Variants in BACE1 observed in about 807,000 individuals in gnomAD.
BACE1 encodes the protein APP beta-secretase.
A neutral mutation model predicts 54.0 loss-of-function variants in BACE1; 21 were observed. That is an observed-to-expected ratio of 0.39 (90% CI 0.28 to 0.56). BACE1 has a LOEUF of 0.56. Ranked by LOEUF, BACE1 falls within the 20% of genes least tolerant of loss-of-function variation. The pLI is 0.63. For missense variants in BACE1, 511 were observed against 661.2 expected (o/e 0.77, Z 2.49); for synonymous variants, 232 against 260.9 (o/e 0.89, Z 1.07).
At position 117,315,699 on chromosome 11, in the gene BACE1, C is replaced by A. The variant is rs1001067796; in HGVS notation, c.97G>T (p.Gly33Cys). Residue 33 changes from glycine to cysteine, a missense_variant, in exon 1 of 9, where the codon GGC becomes TGC. Gly to Cys is a radical substitution (Grantham distance 159). Coordinates refer to ENST00000313005, the MANE Select transcript of BACE1 (RefSeq NM_012104.6). This position sits in a 1 kb window ranked among gnomAD's most constrained non-coding sequence, Gnocchi z 5.5. ...QHGIRLPLRSGLGGAPLGLRL... is the reference protein window; with the variant it reads ...QHGIRLPLRSCLGGAPLGLRL... ...AGCCCCAGGGGGGCGCCCCCCAGGC[C>A]GCTGCGCAGGGGCAGCCGGATGCCG... 4 of 1,509,178 alleles carry A rather than the reference C, an allele frequency of 2.7e-6. No individual in the cohort carries two copies. The highest frequency in any genetic ancestry group is 2.9e-5 in the African/African-American group (2 of 68,692). The allele number at this position is 1,509,178 out of a possible 1,614,324, so 93.5% of individuals were successfully genotyped here. A position where few individuals can be genotyped will look rare whatever the true frequency, so the allele number is the denominator to read the frequency against.
At chr11:117,298,161 G>T (rs1015000615) in intron 1 of BACE1, among the ~76,000 whole-genome samples, 1 of 152,086 alleles carries the variant, frequency 6.6e-6, no homozygotes, top group African/African-American at 2.4e-5. Flanking sequence ...GATTAGCCGG[G>T]TGTGGTGACG....
At chr11:117,314,366 C>T (rs1305193353) in intron 1 of BACE1, among the ~76,000 whole-genome samples, 1 of 152,132 alleles carries the variant, frequency 6.6e-6, no homozygotes, top group Non-Finnish European at 1.5e-5. Context: ...GGAGCACGCA[C>T]CTAGGAAGGC....
At chr11:117,304,814 C>A (rs550264968) in intron 1 of BACE1, among the ~76,000 whole-genome samples, 1 of 152,166 alleles carries the variant, frequency 6.6e-6, no homozygotes. Flanking sequence ...AGACTATGAG[C>A]TCCACCAAGG....
chr11:117,294,184 C>T, intron 3 of BACE1, 176 bp from the exon 4 acceptor site: 5 of 591,756 alleles, frequency 8.4e-6, no homozygotes, highest in Non-Finnish European at 1.4e-5. Flanking sequence ...GCAATGCAAA[C>T]AGGACAGTAT....
chr11:117,300,215 C>A (rs1223779214), intron 1 of BACE1, among the ~76,000 whole-genome samples: 2 of 152,166 alleles, frequency 1.3e-5, no homozygotes, highest in Admixed American at 1.3e-4. Context: ...CTCTCACCCA[C>A]CCCAATACTA....
At chr11:117,297,183 C>T in intron 1 of BACE1, 1 of 503,874 alleles carries the variant, frequency 2.0e-6, no homozygotes, top group Non-Finnish European at 3.5e-6. Flanking sequence ...TTCCCCTGTG[C>T]CCTCTGCAGG....
Position 117,289,812 on chromosome 11 carries a change from G to C in BACE1, c.1265-5C>G. 1 of 1,611,616 alleles carries C rather than the reference G, an allele frequency of 6.2e-7. No homozygotes were observed. Among genetic ancestry groups the C allele is most frequent in the Non-Finnish European group, 8.5e-7 (1 of 1,177,792 alleles). ...CCGTCCTGAACTCATCGTGCACTGG[G>C]GAGAGGGCAAATGTGAATGGACAGC... On this transcript the variant is annotated splice_region_variant and splice_polypyrimidine_tract_variant and intron_variant, in intron 8 of 8. Transcript: ENST00000313005.
Position 117,310,938 on chromosome 11 carries a change from C to G in BACE1, c.261+4597G>C, listed in dbSNP as rs191710767. Among the ~76,000 whole-genome samples, 683 of 151,936 alleles carry G rather than the reference C, an allele frequency of 4.5e-3. 2 individuals carry two copies. The highest frequency in any genetic ancestry group is 0.016 in the African/African-American group (653 of 41,302). ...CTGGCCAGTGGTTTAACCTTTCAAC[C>G]CCATTTCTTCTGCTAGACACTGTGA... On this transcript the variant is annotated intron_variant, in intron 1 of 8. Coordinates refer to ENST00000313005, the MANE Select transcript of BACE1 (RefSeq NM_012104.6).
At chr11:117,302,839 C>T (rs900818029) in intron 1 of BACE1, among the ~76,000 whole-genome samples, 12 of 152,230 alleles carry the variant, frequency 7.9e-5, no homozygotes, top group Admixed American at 2.6e-4. Context: ...GAGCTGAGAT[C>T]GTGCCATTGC....
At position 117,288,740 on chromosome 11, in the gene BACE1, T is replaced by C. The variant is rs931088439; in HGVS notation, c.*826A>G. The C allele has an allele frequency of 6.6e-6, 1 of 152,356 alleles. No homozygotes were observed. The highest frequency in any genetic ancestry group is 1.5e-5 in the Non-Finnish European group (1 of 68,038). The allele number at this position is 152,356 out of a possible 1,614,324, so 9.4% of individuals were successfully genotyped here. On this transcript the variant is annotated 3_prime_UTR_variant, in exon 9 of 9. Coordinates refer to ENST00000313005, the MANE Select transcript of BACE1 (RefSeq NM_012104.6). ...TCATGTGTTAAGTGGAACTTCTTAG[T>C]GGGCACTTCATTTAAGAGAGCTAAA...
intron 2 of BACE1, chr11:117,295,819 A>C: frequency 4.1e-6 from 2 of 492,014 alleles, no homozygotes; most frequent in Non-Finnish European, 5.3e-6. Context: ...CAAGTTCTAG[A>C]GAAGGGGTTT....
At position 117,287,296 on chromosome 11, in the gene BACE1, T is replaced by C. The variant is rs912568386; in HGVS notation, c.*2270A>G. The C allele has an allele frequency of 2.6e-5, 4 of 152,586 alleles. No homozygotes were observed. The highest frequency in any genetic ancestry group is 5.9e-5 in the Non-Finnish European group (4 of 68,038). 9.5% of individuals were successfully genotyped at this position (152,586 alleles called of 1,614,324 possible). A position where few individuals can be genotyped will look rare whatever the true frequency, so the allele number is the denominator to read the frequency against. On this transcript the variant is annotated 3_prime_UTR_variant, in exon 9 of 9. Transcript: ENST00000313005. ...TGTTCTCCCTTCTCCCTCTGTCCAC[T>C]GGCCTGCAATGATAAAAGACATGCA...
At chr11:117,303,074 C>T (rs999854463) in intron 1 of BACE1, among the ~76,000 whole-genome samples, 2 of 152,266 alleles carry the variant, frequency 1.3e-5, no homozygotes, top group Admixed American at 6.5e-5. Flanking sequence ...AGCTAATCTA[C>T]CCTGTTTTTT....
At position 117,307,353 on chromosome 11, in the gene BACE1, C is replaced by T. The variant is rs2034852672; in HGVS notation, c.261+8182G>A. ...TGAGATGGAGTCTTCCCCCTGTCGC[C>T]CAGGCTGGAGTGCAGTGGCATGATG... is the stretch of plus-strand genomic sequence containing the variant. On this transcript the variant is annotated intron_variant, in intron 1 of 8. Transcript: ENST00000313005. Among the ~76,000 whole-genome samples, 3 of 152,146 alleles carry T rather than the reference C, an allele frequency of 2.0e-5. No homozygotes were observed. In the South Asian group the frequency reaches 6.2e-4, roughly 32 times the overall value.
intron 1 of BACE1, among the ~76,000 whole-genome samples, chr11:117,301,824 G>T (rs999252273): frequency 6.6e-6 from 1 of 152,142 alleles, no homozygotes. Context: ...CTCCTTACAA[G>T]TCTCTTGAAT....
At chr11:117,292,510 A>G (rs2034473317) in intron 5 of BACE1, among the ~76,000 whole-genome samples, 1 of 152,094 alleles carries the variant, frequency 6.6e-6, no homozygotes, top group East Asian at 1.9e-4. Context: ...TATCTATTCT[A>G]ATTTAACATA....
In BACE1 at chr11:117,293,672, A is replaced by C; in HGVS notation, c.705+199T>G. ...AATTGCCTTCCTTTCCAAGTTTACC[A>C]TAGGTGCCTTGATTCCTTTCTGGAA... On this transcript the variant is annotated intron_variant, in intron 4 of 8. Coordinates refer to ENST00000313005, the MANE Select transcript of BACE1 (RefSeq NM_012104.6). This position sits in a 1 kb window ranked among gnomAD's most constrained non-coding sequence, Gnocchi z 4.1. 1 of 480,120 alleles carries C rather than the reference A, an allele frequency of 2.1e-6. No individual in the cohort carries two copies. The highest frequency in any genetic ancestry group is 3.8e-5 in the East Asian group (1 of 26,434). 29.7% of individuals were successfully genotyped at this position (480,120 alleles called of 1,614,324 possible). A position where few individuals can be genotyped will look rare whatever the true frequency, so the allele number is the denominator to read the frequency against.
Position 117,304,858 on chromosome 11 carries a change from G to A in BACE1, c.262-7897C>T, listed in dbSNP as rs141299569. 2.0e-5 allele frequency among the ~76,000 whole-genome samples: 3 copies of A among 151,384 alleles called. No homozygotes were observed. The East Asian group carries it at 5.8e-4, about 29-fold the overall frequency. On this transcript the variant is annotated intron_variant, in intron 1 of 8. Transcript: ENST00000313005. ...CATTTGTATTGCTTATTACCTAATT[G>A]TTACCTAGCCCTGAGTAGATGCTCC...
chr11:117,316,239 G>A lies in BACE1; in HGVS notation c.-444C>T, dbSNP rs2035123132. 2.3e-6 allele frequency: 1 copy of A among 439,786 alleles called. No individual in the cohort carries two copies. The highest frequency in any genetic ancestry group is 4.3e-5 in the South Asian group (1 of 23,182). The allele number at this position is 439,786 out of a possible 1,614,324, so 27.2% of individuals were successfully genotyped here. ...GGCTCGCAGCTCCCGGGCGGGCTGG[G>A]GAGGCGGAAAGACTTGTGGCGGCGG... is the stretch of plus-strand genomic sequence containing the variant. On this transcript the variant is annotated 5_prime_UTR_variant, in exon 1 of 9. Coordinates refer to ENST00000313005, the MANE Select transcript of BACE1 (RefSeq NM_012104.6).
Sources: allele counts gnomAD v4.1 joint callset (sites outside exome capture counted in the v4.1 genomes callset), GRCh38; gene constraint gnomAD v4.1.1; non-coding constraint Gnocchi (gnomAD v3.1); transcripts MANE v1.5; gene names NCBI Gene and HGNC (gene_info 2026-07-23, HGNC 2026-07-21).